Variants in PPP2R2C observed in about 807,000 individuals in gnomAD.
PPP2R2C encodes the protein protein phosphatase 2, regulatory subunit B, gamma.
In PPP2R2C, 10 loss-of-function variants were observed where a neutral mutation model predicts 45.3. The ratio of observed to expected loss-of-function variants is 0.22; its 90% confidence interval spans 0.14 to 0.37. PPP2R2C has a LOEUF of 0.37. Ranked by LOEUF, PPP2R2C falls within the 10% of genes least tolerant of loss-of-function variation. The probability of loss-of-function intolerance (pLI) is 1.00; values close to 1 mark genes in which losing one functional copy is unlikely to be tolerated. For synonymous variants in PPP2R2C, 257 were observed against 245.4 expected, an observed-to-expected ratio of 1.05 and a Z score of -0.44; for missense variants, 308 against 619.7, an observed-to-expected ratio of 0.50 and a Z score of 5.34.
intron 6 of PPP2R2C, among the ~76,000 whole-genome samples, chr4:6,340,013 T>G (rs4689407): frequency 0.71 from 108,375 of 152,118 alleles, 39,084 homozygotes; most frequent in Middle Eastern, 0.78. Flanking sequence ...GGCCTCCTGT[T>G]CGGCCTCTTT....
intron 1 of PPP2R2C, among the ~76,000 whole-genome samples, chr4:6,422,377 G>C (rs1296599658): frequency 6.6e-6 from 1 of 152,212 alleles, no homozygotes; most frequent in Non-Finnish European, 1.5e-5. Flanking sequence ...CGGCAAACGA[G>C]TTCACCTCTC....
intron 2 of PPP2R2C, chr4:6,535,123 G>A (rs13140794): frequency 0.24 from 211,554 of 893,410 alleles, 26,621 homozygotes; most frequent in Non-Finnish European, 0.25. Context: ...GGGGGCCCAG[G>A]GGCCAGAGCA....
intron 1 of PPP2R2C, among the ~76,000 whole-genome samples, chr4:6,557,936 C>A (rs1725463709): frequency 6.6e-6 from 1 of 152,130 alleles, no homozygotes; most frequent in Non-Finnish European, 1.5e-5. Context: ...TGACTCCAGG[C>A]AAACCCTCCC....
At chr4:6,407,135 T>A (rs951353175) in intron 1 of PPP2R2C, among the ~76,000 whole-genome samples, 20 of 152,238 alleles carry the variant, frequency 1.3e-4, no homozygotes, top group Non-Finnish European at 2.5e-4. Context: ...ACTTCTGGAC[T>A]GTAGAACAGG....
rs1714512696 is a variant in PPP2R2C at position 6,368,337 on chromosome 4, G to A, written c.625+4186C>T. On this transcript the variant is annotated intron_variant, in intron 5 of 8. Coordinates refer to ENST00000382599, the MANE Select transcript of PPP2R2C (RefSeq NM_020416.4). The surrounding 1 kb of genome is among the most constrained non-coding windows in gnomAD (Gnocchi z 4.2). ...GCGCTGGCTGGGCCACCGACTCCCT[G>A]TAGCACCCACGGACCACCTGCTCCA... Among the ~76,000 whole-genome samples the A allele has an allele frequency of 2.6e-5, 4 of 152,162 alleles. No homozygotes were observed. The highest frequency in any genetic ancestry group is 2.0e-4 in the Admixed American group (3 of 15,282).
intron 1 of PPP2R2C, chr4:6,382,227 G>C (rs1236728484): frequency 2.5e-6 from 3 of 1,207,710 alleles, no homozygotes; most frequent in Admixed American, 6.5e-5. Context: ...GCAAAAGCTA[G>C]TAGGAGCCCG....
chr4:6,414,396 T>C (rs995467521), intron 1 of PPP2R2C, among the ~76,000 whole-genome samples: 1 of 152,128 alleles, frequency 6.6e-6, no homozygotes, highest in African/African-American at 2.4e-5. Flanking sequence ...CTTTCCCATT[T>C]GCAGGTGGCT....
Position 6,337,102 on chromosome 4 carries a change from A to ATG in PPP2R2C, c.791-3373_791-3372dup, listed in dbSNP as rs1158525075. The stretch of plus-strand genomic sequence containing the variant: ...ATTAAATTGGCATCTTTGTTTCTGT[A>ATG]TGTGTGTGTGTATATATATATATAT... On this transcript the variant is annotated intron_variant, in intron 6 of 8. Transcript: ENST00000382599. Among the ~76,000 whole-genome samples, 215 of 37,282 alleles carry ATG rather than the reference A, an allele frequency of 5.8e-3. 5 individuals carry two copies. Among genetic ancestry groups the ATG allele is most frequent in the African/African-American group, 0.022 (182 of 8,220 alleles). 24.5% of individuals were successfully genotyped at this position (37,282 alleles called of 152,430 possible).
chr4:6,507,359 C>G (rs1156329128), intron 2 of PPP2R2C, among the ~76,000 whole-genome samples: 2 of 152,216 alleles, frequency 1.3e-5, no homozygotes, highest in Non-Finnish European at 2.9e-5. Context: ...GGCAAATGTA[C>G]TGATGCTGCA....
intron 5 of PPP2R2C, among the ~76,000 whole-genome samples, chr4:6,357,986 C>T (rs368811392): frequency 9.8e-5 from 15 of 152,306 alleles, no homozygotes; most frequent in African/African-American, 3.6e-4. Context: ...GAAAAAACTA[C>T]TTTAAAATTC....
At chr4:6,477,216 C>T (rs1049626033), upstream of PPP2R2C, among the ~76,000 whole-genome samples, 7 of 152,166 alleles carry the variant, frequency 4.6e-5, no homozygotes, top group Non-Finnish European at 7.3e-5. Flanking sequence ...CCACACTGCA[C>T]TCCAGCCTGG....
chr4:6,323,482 G>A lies in PPP2R2C; in HGVS notation c.1164C>T (p.Leu388=), dbSNP rs978911372. 1 of 1,612,078 alleles carries A rather than the reference G, an allele frequency of 6.2e-7. No individual in the cohort carries two copies. The highest frequency in any genetic ancestry group is 8.5e-7 in the Non-Finnish European group (1 of 1,178,464). Residue 388 remains leucine, a synonymous_variant, in exon 9 of 9, where the codon CTC becomes CTT. Coordinates refer to ENST00000382599, the MANE Select transcript of PPP2R2C (RefSeq NM_020416.4). ...CCCCCACGCACACGCGCCGTGGCTT[G>A]AGCACAGCCCGGGGCTTGCTGCTTT... ...SRESSKPRAV[L]KPRRVCVGGK...
chr4:6,347,821 CCCA>C, intron 6 of PPP2R2C, 22 bp downstream of exon 6: 1 of 1,584,834 alleles, frequency 6.3e-7, no homozygotes, highest in African/African-American at 1.3e-5. Flanking sequence ...TGCACAGCCC[CCCA>C]CCCCCAGGCA....
At chr4:6,510,128 C>G (rs1723377453) in intron 2 of PPP2R2C, among the ~76,000 whole-genome samples, 1 of 152,186 alleles carries the variant, frequency 6.6e-6, no homozygotes, top group African/African-American at 2.4e-5. Context: ...AATGGCCTTA[C>G]AAAACCTACA....
At chr4:6,561,041 C>T (rs988870510) in intron 1 of PPP2R2C, among the ~76,000 whole-genome samples, 3 of 152,182 alleles carry the variant, frequency 2.0e-5, no homozygotes, top group Non-Finnish European at 4.4e-5. Context: ...TGGATCATGG[C>T]GGTGACCGCC....
chr4:6,359,040 G>A (rs1434577674), intron 5 of PPP2R2C, among the ~76,000 whole-genome samples: 3 of 152,162 alleles, frequency 2.0e-5, no homozygotes, highest in Admixed American at 6.5e-5. Context: ...AAAGACACAT[G>A]CACATGTATG....
intron 1 of PPP2R2C, among the ~76,000 whole-genome samples, chr4:6,396,825 G>A (rs1042019754): frequency 4.6e-5 from 7 of 152,234 alleles, no homozygotes; most frequent in African/African-American, 1.2e-4. Context: ...TGCCAAGTCC[G>A]TGGCATGAAT....
chr4:6,459,863 A>T lies in PPP2R2C; in HGVS notation c.70+12297T>A, dbSNP rs1469307566. Among the ~76,000 whole-genome samples the T allele has an allele frequency of 3.3e-5, 5 of 152,202 alleles. No individual in the cohort carries two copies. In the East Asian group the frequency reaches 7.7e-4, roughly 23 times the overall value. On this transcript the variant is annotated intron_variant, in intron 1 of 8. Transcript: ENST00000382599. Reference sequence around the variant, plus strand: ...ATGTTGGATCTAGTCGCCACTAGCAATGCTCTGGGGAAAGGGAGTTGTTAG... The same window carrying T: ...ATGTTGGATCTAGTCGCCACTAGCATTGCTCTGGGGAAAGGGAGTTGTTAG...
intron 1 of PPP2R2C, among the ~76,000 whole-genome samples, chr4:6,560,832 T>C (rs900737257): frequency 2.0e-5 from 3 of 152,234 alleles, no homozygotes; most frequent in Non-Finnish European, 4.4e-5. Context: ...CAGCAGAGCC[T>C]GTGCTGTGAG....
Sources: gnomAD v4.1 joint callset for allele counts (sites outside exome capture counted in the v4.1 genomes callset) on GRCh38, gnomAD v4.1.1 for gene constraint, Gnocchi (gnomAD v3.1) non-coding constraint, MANE v1.5 for transcripts, NCBI Gene and HGNC (gene_info 2026-07-23, HGNC 2026-07-21) for gene names.